CDH5: variants seen among roughly 807,000 people sequenced by gnomAD.
CDH5 encodes cadherin 5.
In CDH5, 28 loss-of-function variants were observed where a neutral mutation model predicts 62.0. That is an observed-to-expected ratio of 0.45 (90% CI 0.33 to 0.62). The LOEUF (loss-of-function observed/expected upper bound fraction) is 0.62. Among genes scored for constraint, CDH5 ranks in the 20% least tolerant of loss-of-function variants. The probability of loss-of-function intolerance (pLI) is 0.02; values close to 1 mark genes in which losing one functional copy is unlikely to be tolerated. For missense variants in CDH5, 940 were observed against 1,065.1 expected (o/e 0.88, Z 1.63); for synonymous variants, 464 against 445.8 (o/e 1.04, Z -0.52).
Position 66,398,021 on chromosome 16 carries a change from T to C in CDH5, c.1400T>C (p.Ile467Thr), listed in dbSNP as rs1453301169. The stretch of plus-strand genomic sequence containing the variant: ...AAAGAATCCATTGTGCAAGTCCACA[T>C]TGAAGTTTTGGATGAGAATGACAAT... ...TGKESIVQVH[I>T]EVLDENDNAP... The change falls in exon 9 of 12, where the codon ATT (isoleucine) becomes ACT (threonine). Residue 467 changes from isoleucine to threonine, a missense_variant. Ile to Thr is a moderately conservative substitution (Grantham distance 89). Coordinates refer to ENST00000341529, the MANE Select transcript of CDH5 (RefSeq NM_001795.5). The C allele has an allele frequency of 6.2e-7, 1 of 1,613,970 alleles. No individual in the cohort carries two copies. Among genetic ancestry groups the C allele is most frequent in the African/African-American group, 1.3e-5 (1 of 74,928 alleles).
At chr16:66,394,043 G>GT (rs929950771) in intron 7 of CDH5, among the ~76,000 whole-genome samples, 5 of 151,722 alleles carry the variant, frequency 3.3e-5, no homozygotes, top group African/African-American at 7.3e-5. Context: ...GTCATAGGGT[G>GT]TTTTTTTTGT....
chr16:66,383,650 A>C (rs954733043), intron 2 of CDH5, among the ~76,000 whole-genome samples: 1 of 151,742 alleles, frequency 6.6e-6, no homozygotes, highest in African/African-American at 2.4e-5. Flanking sequence ...TTGAGTCTCC[A>C]CTGTCCTCGC....
intron 2 of CDH5, 114 bp downstream of exon 2, chr16:66,379,661 G>A: frequency 1.1e-6 from 1 of 887,234 alleles, no homozygotes; most frequent in Non-Finnish European, 1.8e-6. Context: ...GGTGGTTGTA[G>A]GAGTGGAGAT....
At position 66,392,192 on chromosome 16, in the gene CDH5, C is replaced by T. The variant is rs1475548502; in HGVS notation, c.1026C>T (p.Pro342=). 1.2e-6 allele frequency: 2 copies of T among 1,614,038 alleles called. No homozygotes were observed. Among genetic ancestry groups the T allele is most frequent in the South Asian group, 1.1e-5 (1 of 91,086 alleles). Residue 342 remains proline (P), a synonymous_variant, in exon 7 of 12, where the codon CCC becomes CCT. Transcript: ENST00000341529. ...GCTTCATCGTCGAGGCCACAGACCC[C>T]ACCATCGACCTCCGATACATGAGCC... ...QYSFIVEATD[P]TIDLRYMSPP...
At chr16:66,383,989 G>C (rs555468888) in intron 2 of CDH5, among the ~76,000 whole-genome samples, 35 of 151,062 alleles carry the variant, frequency 2.3e-4, no homozygotes, top group African/African-American at 8.3e-4. Flanking sequence ...ACACTTTCCA[G>C]ACCTCATGGG....
At chr16:66,377,978 A>G (rs1252545304) in intron 1 of CDH5, among the ~76,000 whole-genome samples, 3 of 152,172 alleles carry the variant, frequency 2.0e-5, no homozygotes, top group Non-Finnish European at 2.9e-5. Flanking sequence ...CCTTGGTTTA[A>G]TGTTCTGTCG....
rs1481751639 is a variant in CDH5, at chr16:66,379,342, A to G, written c.5A>G (p.Gln2Arg). 5.0e-6 allele frequency: 8 copies of G among 1,607,350 alleles called. No homozygotes were observed. The highest frequency in any genetic ancestry group is 6.8e-6 in the Non-Finnish European group (8 of 1,175,532). ...AGATCTGTTCCTCCTGGGAAGATGC[A>G]GAGGCTCATGATGCTCCTCGCCACA... M[Q>R]RLMMLLATSG... The change falls in exon 2 of 12, where the codon CAG becomes CGG. Residue 2 changes from glutamine to arginine, a missense_variant. Transcript: ENST00000341529.
chr16:66,389,540 G>C lies in CDH5; in HGVS notation c.781+18G>C. 1 of 1,538,866 alleles carries C rather than the reference G, an allele frequency of 6.5e-7. No individual in the cohort carries two copies. Among genetic ancestry groups the C allele is most frequent in the South Asian group, 1.2e-5 (1 of 80,810 alleles). The stretch of plus-strand genomic sequence containing the variant: ...CACCCAGAGTGAGCCCCTCCTCTAG[G>C]GCCCTGGGAAGGGGGGCTGGGATAC... On this transcript the variant is annotated intron_variant, in intron 5 of 11. Coordinates refer to ENST00000341529, the MANE Select transcript of CDH5 (RefSeq NM_001795.5).
intron 1 of CDH5, among the ~76,000 whole-genome samples, chr16:66,368,620 A>G (rs1960630148): frequency 6.6e-6 from 1 of 152,204 alleles, no homozygotes; most frequent in Non-Finnish European, 1.5e-5. Flanking sequence ...TGTTCCCTGT[A>G]TCCTCTCTCT....
chr16:66,389,651 A>G, intron 5 of CDH5, 129 bp downstream of exon 5: 1 of 759,172 alleles, frequency 1.3e-6, no homozygotes, highest in Non-Finnish European at 2.0e-6. Context: ...CTGATGCCCA[A>G]AGGAGTCCTT....
At chr16:66,396,748 C>T (rs1340988436) in intron 8 of CDH5, among the ~76,000 whole-genome samples, 2 of 152,162 alleles carry the variant, frequency 1.3e-5, no homozygotes, top group Non-Finnish European at 2.9e-5. Flanking sequence ...GAGGGAGGGG[C>T]AAGAGTTGGA....
At chr16:66,368,520 T>C (rs917733803) in intron 1 of CDH5, among the ~76,000 whole-genome samples, 6 of 152,154 alleles carry the variant, frequency 3.9e-5, no homozygotes, top group African/African-American at 1.4e-4. Flanking sequence ...AGTTGGATGA[T>C]TCACTGCTGA....
Position 66,379,987 on chromosome 16 carries a change from G to A in CDH5, c.210+440G>A, listed in dbSNP as rs1270191424. On this transcript the variant is annotated intron_variant, in intron 2 of 11. Transcript: ENST00000341529. ...AGGGGTAGGTGTTGGTGGTGATCAC[G>A]GTGATGGTGGTGATGATAAAGGGGT... 8.7e-4 allele frequency among the ~76,000 whole-genome samples: 18 copies of A among 20,792 alleles called. 2 individuals carry two copies. The allele number at this position is 20,792 out of a possible 152,430, so 13.6% of individuals were successfully genotyped here.
intron 11 of CDH5, 112 bp downstream of exon 11, chr16:66,401,128 C>G: frequency 1.4e-6 from 2 of 1,398,822 alleles, no homozygotes; most frequent in Non-Finnish European, 9.9e-7. Context: ...CAGGCCCAAC[C>G]CTGCCTCCAA....
chr16:66,386,038 A>T (rs1329657795), intron 2 of CDH5, among the ~76,000 whole-genome samples: 1 of 152,248 alleles, frequency 6.6e-6, no homozygotes, highest in African/African-American at 2.4e-5. Context: ...AAGCAACATC[A>T]GAAGCAATAT....
At chr16:66,384,692 G>A (rs191448608) in intron 2 of CDH5, among the ~76,000 whole-genome samples, 38 of 150,542 alleles carry the variant, frequency 2.5e-4, no homozygotes, top group East Asian at 9.9e-4. Flanking sequence ...GAGGCTGGGC[G>A]TGGTGGCTCA....
At chr16:66,375,772 A>C (rs935859602) in intron 1 of CDH5, among the ~76,000 whole-genome samples, 2 of 150,106 alleles carry the variant, frequency 1.3e-5, no homozygotes, top group Non-Finnish European at 3.0e-5. Context: ...TTAGTTTACT[A>C]TTAGGGTAGT....
At position 66,386,898 on chromosome 16, in the gene CDH5, A is replaced by C; in HGVS notation, c.300A>C (p.Gly100=). The C allele has an allele frequency of 1.2e-6, 2 of 1,614,252 alleles. No individual in the cohort carries two copies. The highest frequency in any genetic ancestry group is 1.7e-6 in the Non-Finnish European group (2 of 1,180,038). ...TCTTCCGGGTCGATGCAGAGACAGG[A>C]GACGTGTTCGCCATTGAGAGGCTGG... ...GKVFRVDAET[G]DVFAIERLDR... is the part of the protein sequence containing the mutation. Residue 100 remains glycine, a synonymous_variant, in exon 3 of 12, where the codon GGA becomes GGC. Transcript: ENST00000341529.
At chr16:66,370,124 C>A (rs1253455530) in intron 1 of CDH5, among the ~76,000 whole-genome samples, 2 of 152,164 alleles carry the variant, frequency 1.3e-5, no homozygotes, top group African/African-American at 4.8e-5. Flanking sequence ...CCTCAATCTC[C>A]CAAGTAGCTA....
Sources: allele counts gnomAD v4.1 joint callset (sites outside exome capture counted in the v4.1 genomes callset), GRCh38; gene constraint gnomAD v4.1.1; transcripts MANE v1.5; gene names NCBI Gene and HGNC (gene_info 2026-07-23, HGNC 2026-07-21).